The following KCNH4 variants were observed in gnomAD, a reference collection of about 807,000 sequenced individuals.
KCNH4 encodes voltage-gated delayed rectifier potassium channel KCNH4.
KCNH4 carries 33 observed loss-of-function variants against 90.7 expected under a neutral mutation model. The ratio of observed to expected loss-of-function variants is 0.36; its 90% CI spans 0.28 to 0.49. The LOEUF (loss-of-function observed/expected upper bound fraction) is 0.49. Ranked by LOEUF, KCNH4 falls within the 20% of genes least tolerant of loss-of-function variation. The probability of loss-of-function intolerance (pLI) is 0.98; values close to 1 mark genes in which losing one functional copy is unlikely to be tolerated. For synonymous variants in KCNH4, 551 were observed against 581.7 expected (o/e 0.95, Z 0.76); for missense variants, 1,044 against 1,387.1 (o/e 0.75, Z 3.93).
At position 42,169,498 on chromosome 17, in the gene KCNH4, G is replaced by T; in HGVS notation, c.1569C>A (p.Asn523Lys). ...LEYFQTTWAV[N>K]SGIDANELLR... is the part of the protein sequence containing the mutation. ...CTACCTCGTTGGCGTCGATGCCGCT[G>T]TTGACGGCCCACGTGGTCTGGAAGT... The change falls in exon 9 of 17, where the codon AAC becomes AAA. Residue 523 changes from asparagine to lysine, a missense_variant. Around this residue, in one of 4 missense-constraint regions of KCNH4, gnomAD observed 318 missense variants for 479.6 expected, o/e 0.66. Coordinates refer to ENST00000264661, the MANE Select transcript of KCNH4 (RefSeq NM_012285.3). The T allele has an allele frequency of 6.2e-7, 1 of 1,613,128 alleles. No individual in the cohort carries two copies. The highest frequency in any genetic ancestry group is 8.5e-7 in the Non-Finnish European group (1 of 1,180,002).
chr17:42,171,891 C>T lies in KCNH4; in HGVS notation c.1092G>A (p.Leu364=). 6.2e-7 allele frequency: 1 copy of T among 1,614,174 alleles called. No individual in the cohort carries two copies. The highest frequency in any genetic ancestry group is 8.5e-7 in the Non-Finnish European group (1 of 1,180,044). Residue 364 remains leucine (L), a synonymous_variant, in exon 7 of 17, where the codon CTG becomes CTA. Coordinates refer to ENST00000264661, the MANE Select transcript of KCNH4 (RefSeq NM_012285.3). The part of the protein sequence containing the change: ...YSQCSAVVLT[L]LMSVFALLAH... ...CAAGGAGCGCAAAGACCGACATGAGCAGCGTGAGCACCACAGCACTGCACT... is the reference window on the plus strand; with the variant it reads ...CAAGGAGCGCAAAGACCGACATGAGTAGCGTGAGCACCACAGCACTGCACT...
chr17:42,157,666 G>T (rs961667676), intron 16 of KCNH4, among the ~76,000 whole-genome samples: 3 of 152,122 alleles, frequency 2.0e-5, no homozygotes, highest in African/African-American at 7.2e-5. Context: ...GGAGTGCAGT[G>T]GTGTGATCAC....
chr17:42,165,816 C>T (rs1210591955), intron 10 of KCNH4, 123 bp from the exon 11 acceptor site: 3 of 1,142,690 alleles, frequency 2.6e-6, no homozygotes, highest in Non-Finnish European at 3.8e-6. Flanking sequence ...GTGGGCCAGT[C>T]AATGGGATTG....
At chr17:42,177,662 C>G (rs1476725847) in intron 4 of KCNH4, among the ~76,000 whole-genome samples, 1 of 152,224 alleles carries the variant, frequency 6.6e-6, no homozygotes, top group African/African-American at 2.4e-5. Flanking sequence ...ACCGCATTCC[C>G]TGTATCCCTA....
rs73986529 is a variant in KCNH4 at position 42,175,994 on chromosome 17, G to C, written c.829+60C>G. 57 of 1,545,704 alleles carry C rather than the reference G, an allele frequency of 3.7e-5. 1 individual carries two copies. In the South Asian group the frequency reaches 6.7e-4, roughly 18 times the overall value. ...CATGTGGGCCCCAGGAGTGGGTGAGGCTTGGCCAAGTGGATCCCCCCAGCC... is the reference window on the plus strand; with the variant it reads ...CATGTGGGCCCCAGGAGTGGGTGAGCCTTGGCCAAGTGGATCCCCCCAGCC... On this transcript the variant is annotated intron_variant, in intron 5 of 16. Transcript: ENST00000264661.
chr17:42,180,994 G>C lies in KCNH4; in HGVS notation c.-49C>G. On this transcript the variant is annotated 5_prime_UTR_variant, in exon 1 of 17. Coordinates refer to ENST00000264661, the MANE Select transcript of KCNH4 (RefSeq NM_012285.3). The surrounding 1 kb of genome is among the most constrained non-coding windows in gnomAD (Gnocchi z 4.7). ...CGCGGCGCTGGGGAGCTTTCAGCGCGGCCGGGCCGGAGGGGGCGCGCTGTC... is the reference window on the plus strand; with the variant it reads ...CGCGGCGCTGGGGAGCTTTCAGCGCCGCCGGGCCGGAGGGGGCGCGCTGTC... The C allele has an allele frequency of 6.4e-7, 1 of 1,566,366 alleles. No homozygotes were observed. The highest frequency in any genetic ancestry group is 8.7e-7 in the Non-Finnish European group (1 of 1,146,218).
chr17:42,176,573 A>T (rs2079863816), intron 4 of KCNH4, among the ~76,000 whole-genome samples: 1 of 112,934 alleles, frequency 8.9e-6, no homozygotes, highest in Non-Finnish European at 1.6e-5. Flanking sequence ...CCCAGGCTGG[A>T]GTGCAAGGGC....
intron 1 of KCNH4, among the ~76,000 whole-genome samples, chr17:42,179,248 G>A (rs912861467): frequency 2.0e-5 from 3 of 152,220 alleles, no homozygotes; most frequent in Admixed American, 6.5e-5. Flanking sequence ...GGTCTAACGG[G>A]GAGTTGGAGA....
At chr17:42,178,512 G>A (rs376086958) in intron 2 of KCNH4, 35 bp from the exon 3 acceptor site, 2 of 1,611,836 alleles carry the variant, frequency 1.2e-6, no homozygotes, top group South Asian at 1.1e-5. Context: ...GAGGAGCATG[G>A]GCAGCCCCAT....
intron 9 of KCNH4, among the ~76,000 whole-genome samples, chr17:42,168,368 G>A (rs975434590): frequency 6.6e-6 from 1 of 152,198 alleles, no homozygotes; most frequent in Non-Finnish European, 1.5e-5. Context: ...GAATTTGGCC[G>A]GCTGTGGTGG....
chr17:42,160,722 C>G (rs2079740657), intron 15 of KCNH4, among the ~76,000 whole-genome samples: 1 of 152,182 alleles, frequency 6.6e-6, no homozygotes, highest in Non-Finnish European at 1.5e-5. Flanking sequence ...TGTGAAGTGA[C>G]AGCCTTATTA....
chr17:42,166,466 G>T lies in KCNH4; in HGVS notation c.1671C>A (p.Phe557Leu), dbSNP rs145407748. The T allele has an allele frequency of 6.2e-7, 1 of 1,613,960 alleles. No individual in the cohort carries two copies. The highest frequency in any genetic ancestry group is 8.5e-7 in the Non-Finnish European group (1 of 1,179,978). ...LNREILQLPL[F>L]GAASRGCLRA... is the part of the protein sequence containing the mutation. ...GCAGGCAGCCCCTGCTCGCTGCCCC[G>T]AACAACGGCAGCTGCAGGATCTCCC... The change falls in exon 10 of 17, where the codon TTC becomes TTA. Residue 557 changes from phenylalanine to leucine, a missense_variant. By Grantham distance (22) the Phe-to-Leu change is conservative (BLOSUM62 0). This residue lies in a region of KCNH4 where 318 missense variants were observed against 479.6 expected (regional missense o/e 0.66). Transcript: ENST00000264661.
chr17:42,174,334 T>C (rs1567641793), intron 6 of KCNH4, among the ~76,000 whole-genome samples: 1 of 151,932 alleles, frequency 6.6e-6, no homozygotes, highest in East Asian at 1.9e-4. Flanking sequence ...TGAAAGAACA[T>C]AGGGAACTGT....
intron 9 of KCNH4, among the ~76,000 whole-genome samples, chr17:42,168,772 A>ATTTTTTTTTTTTTTTT (rs1568034449): frequency 6.6e-6 from 1 of 150,548 alleles, no homozygotes; most frequent in African/African-American, 2.4e-5. Flanking sequence ...TTTTATTTTT[A>ATTTTTTTTTTTTTTTT]TTTTTATTTT....
intron 14 of KCNH4, 78 bp from the exon 15 acceptor site, chr17:42,162,399 C>CCAATGACAGGAGG: frequency 7.9e-7 from 1 of 1,273,278 alleles, no homozygotes; most frequent in Non-Finnish European, 1.1e-6. Flanking sequence ...ATCCTCCTGT[C>CCAATGACAGGAGG]ATTGGGCAGG....
Position 42,181,142 on chromosome 17 carries a change from C to T in KCNH4, c.-197G>A, listed in dbSNP as rs940380332. The T allele has an allele frequency of 1.9e-6, 1 of 528,318 alleles. No homozygotes were observed. The highest frequency in any genetic ancestry group is 3.5e-5 in the East Asian group (1 of 28,832). The allele number at this position is 528,318 out of a possible 1,614,324, so 32.7% of individuals were successfully genotyped here. On this transcript the variant is annotated 5_prime_UTR_variant, in exon 1 of 17. Coordinates refer to ENST00000264661, the MANE Select transcript of KCNH4 (RefSeq NM_012285.3). The stretch of plus-strand genomic sequence containing the variant: ...CGGCTCGGCTCAGCGCCGTTTCGGT[C>T]CCCCCCACCTCCCCACGGGCCAGGT...
rs866922549 is a variant in KCNH4 at position 42,176,236 on chromosome 17, C to T, written c.647G>A (p.Arg216His). 10 of 1,613,654 alleles carry T rather than the reference C, an allele frequency of 6.2e-6. No homozygotes were observed. The highest frequency in any genetic ancestry group is 1.7e-5 in the Admixed American group (1 of 59,940). Residue 216 changes from arginine (R) to histidine (H), a missense_variant, in exon 5 of 17, where the codon CGC (arginine) becomes CAC (histidine). Coordinates refer to ENST00000264661, the MANE Select transcript of KCNH4 (RefSeq NM_012285.3). ...GACGCTGTAGTGGAGGAGGAGGCAG[C>T]GAGACCCCCCCACGGAGGCCACCTT... ...EYKVASVGGS[R>H]CLLLHYSVSK...
At chr17:42,161,390 C>G (rs891343136) in intron 15 of KCNH4, among the ~76,000 whole-genome samples, 1 of 152,204 alleles carries the variant, frequency 6.6e-6, no homozygotes, top group African/African-American at 2.4e-5. Flanking sequence ...CTGGGATGCC[C>G]GATGTTTATC....
Position 42,169,686 on chromosome 17 carries a change from C to G in KCNH4, c.1391-10G>C. The G allele has an allele frequency of 6.2e-7, 1 of 1,611,910 alleles. No individual in the cohort carries two copies. The highest frequency in any genetic ancestry group is 8.5e-7 in the Non-Finnish European group (1 of 1,179,042). ...ACAGCGTGCATCAGGGCTGCAGCAG[C>G]AGCAGCGGGCCTGTCAGGGGCGGCC... On this transcript the variant is annotated splice_polypyrimidine_tract_variant and intron_variant, in intron 8 of 16. Coordinates refer to ENST00000264661, the MANE Select transcript of KCNH4 (RefSeq NM_012285.3).
Sources: gnomAD v4.1 joint callset for allele counts (sites outside exome capture counted in the v4.1 genomes callset) on GRCh38, gnomAD v4.1.1 for gene constraint, gnomAD v4.1.1 regional missense constraint, Gnocchi (gnomAD v3.1) non-coding constraint, MANE v1.5 for transcripts, NCBI Gene and HGNC (gene_info 2026-07-23, HGNC 2026-07-21) for gene names.